Variants in YKT6 observed in about 807,000 individuals in gnomAD.
The protein encoded by YKT6 is YKT6 vesicular SNARE protein, also known as synaptobrevin homolog YKT6.
In YKT6, 12 loss-of-function variants were observed where a neutral mutation model predicts 29.3. That is an observed-to-expected ratio of 0.41 (90% confidence interval 0.26 to 0.66). The LOEUF (loss-of-function observed/expected upper bound fraction) is 0.66, where lower values mean the gene tolerates loss of function less well. Among genes scored for constraint, YKT6 ranks in the 30% least tolerant of loss-of-function variants. The pLI, the probability that YKT6 is intolerant of heterozygous loss-of-function variation, is 0.32. For synonymous variants in YKT6, 86 were observed against 94.3 expected (o/e 0.91, Z 0.51); for missense variants, 188 against 243.8 (o/e 0.77, Z 1.52).
At chr7:44,203,197 G>A (rs900874106) in intron 1 of YKT6, among the ~76,000 whole-genome samples, 3 of 152,112 alleles carry the variant, frequency 2.0e-5, no homozygotes, top group Non-Finnish European at 2.9e-5. Context: ...GGGTTCAAGT[G>A]ATTCTCCTGC....
Position 44,210,927 on chromosome 7 carries a change from C to T in YKT6, c.460-96C>T, listed in dbSNP as rs555693072. The T allele has an allele frequency of 3.1e-6, 4 of 1,293,794 alleles. No homozygotes were observed. The African/African-American group carries it at 4.4e-5, about 14-fold the overall frequency. The allele number at this position is 1,293,794 out of a possible 1,614,324, so 80.1% of individuals were successfully genotyped here. The stretch of plus-strand genomic sequence containing the variant: ...GAAGTTTGTGTGTGTTGGAGAGGAA[C>T]CCAGGTAAGGCACTTTCCCCCATGA... On this transcript the variant is annotated intron_variant, in intron 5 of 6. Transcript: ENST00000223369.
intron 1 of YKT6, among the ~76,000 whole-genome samples, chr7:44,204,330 GA>G (rs2096338720): frequency 6.6e-6 from 1 of 152,178 alleles, no homozygotes; most frequent in East Asian, 1.9e-4. Context: ...AAACCCCCCA[GA>G]AAATTCACCT....
chr7:44,211,194 C>T, intron 6 of YKT6, 70 bp downstream of exon 6: 1 of 1,311,872 alleles, frequency 7.6e-7, no homozygotes, highest in East Asian at 2.4e-5. Flanking sequence ...CTGCTTCTGG[C>T]ACTCTCCACT....
At position 44,203,980 on chromosome 7, in the gene YKT6, A is replaced by G. The variant is rs139059183; in HGVS notation, c.105-588A>G. Among the ~76,000 whole-genome samples the G allele has an allele frequency of 3.0e-4, 46 of 152,232 alleles. No individual in the cohort carries two copies. In the Middle Eastern group the frequency reaches 0.01, roughly 34 times the overall value. On this transcript the variant is annotated intron_variant, in intron 1 of 6. Transcript: ENST00000223369. ...GGACCTTCTCCCTTTCACCCTTTGT[A>G]TGAGCCATTTCCCACTTCTTTGTCT...
At chr7:44,206,355 A>G in intron 2 of YKT6, 30 bp from the exon 3 acceptor site, 1 of 1,606,930 alleles carries the variant, frequency 6.2e-7, no homozygotes, top group Non-Finnish European at 8.5e-7. Context: ...TCATGTCAGC[A>G]TCCATGTGTC....
intron 1 of YKT6, among the ~76,000 whole-genome samples, chr7:44,201,536 C>T (rs1301995910): frequency 2.6e-5 from 4 of 152,198 alleles, no homozygotes; most frequent in African/African-American, 9.7e-5. Context: ...GAGCTTATAC[C>T]ATTCTAGAAT....
At chr7:44,210,795 T>C (rs1268184416) in intron 5 of YKT6, 1 of 599,682 alleles carries the variant, frequency 1.7e-6, no homozygotes, top group Admixed American at 2.1e-5. Context: ...TTGGGAAGTC[T>C]GCTACATCCC....
chr7:44,201,518 C>T (rs561656885), intron 1 of YKT6, among the ~76,000 whole-genome samples: 2 of 152,222 alleles, frequency 1.3e-5, no homozygotes, highest in Non-Finnish European at 2.9e-5. Flanking sequence ...CCAACATTAG[C>T]TCTTTAAGAG....
intron 1 of YKT6, 73 bp downstream of exon 1, chr7:44,201,312 G>A: frequency 7.5e-7 from 1 of 1,341,778 alleles, no homozygotes; most frequent in Non-Finnish European, 1.0e-6. Flanking sequence ...GTCGGAGTGG[G>A]CCTGGGGTCG....
chr7:44,208,004 G>A (rs933061673), intron 4 of YKT6, 129 bp from the exon 5 acceptor site: 3 of 917,868 alleles, frequency 3.3e-6, no homozygotes, highest in Non-Finnish European at 1.7e-6. Context: ...GATTACAGGC[G>A]TGAGCCACTG....
intron 5 of YKT6, 21 bp from the exon 6 acceptor site, chr7:44,211,002 T>A: frequency 1.2e-6 from 2 of 1,612,846 alleles, no homozygotes; most frequent in Non-Finnish European, 1.7e-6. Context: ...AGAGCTGGAT[T>A]CTCTTTTCTT....
intron 6 of YKT6, chr7:44,211,643 T>C: frequency 5.0e-6 from 5 of 998,874 alleles, no homozygotes; most frequent in Non-Finnish European, 6.0e-6. Flanking sequence ...ATGGCACTGT[T>C]GGCCCATGGT....
chr7:44,206,269 T>C, intron 2 of YKT6, 116 bp from the exon 3 acceptor site: 3 of 1,000,164 alleles, frequency 3.0e-6, no homozygotes, highest in Non-Finnish European at 3.0e-6. Flanking sequence ...CCCAGAGCTA[T>C]TGAGCTTCCG....
rs1169102522 is a variant in YKT6 at position 44,213,112 on chromosome 7, C to T, written c.*830C>T. 1 of 152,218 alleles carries T rather than the reference C, an allele frequency of 6.6e-6. No homozygotes were observed. Among genetic ancestry groups the T allele is most frequent in the East Asian group, 1.9e-4 (1 of 5,188 alleles). The allele number at this position is 152,218 out of a possible 1,614,324, so 9.4% of individuals were successfully genotyped here. A position where few individuals can be genotyped will look rare whatever the true frequency, so the allele number is the denominator to read the frequency against. ...TCCATCATCAGGGGAAGATCAAACACAGGTGCACTCAGCTGCCCAGGGCCT... is the reference window on the plus strand; with the variant it reads ...TCCATCATCAGGGGAAGATCAAACATAGGTGCACTCAGCTGCCCAGGGCCT... On this transcript the variant is annotated 3_prime_UTR_variant, in exon 7 of 7. Coordinates refer to ENST00000223369, the MANE Select transcript of YKT6 (RefSeq NM_006555.4).
At chr7:44,208,473 A>T (rs1022113319) in intron 5 of YKT6, 1 of 411,740 alleles carries the variant, frequency 2.4e-6, no homozygotes, top group Non-Finnish European at 4.5e-6. Flanking sequence ...CTGTCTGACC[A>T]TTTACTGGGT....
At chr7:44,203,132 C>T (rs2096337538) in intron 1 of YKT6, among the ~76,000 whole-genome samples, 1 of 152,178 alleles carries the variant, frequency 6.6e-6, no homozygotes, top group Non-Finnish European at 1.5e-5. Flanking sequence ...CTTGCTCTGT[C>T]ACCCAGGCTG....
Position 44,201,012 on chromosome 7 carries a change from C to A in YKT6, c.-124C>A, listed in dbSNP as rs879233696. On this transcript the variant is annotated 5_prime_UTR_variant, in exon 1 of 7. Coordinates refer to ENST00000223369, the MANE Select transcript of YKT6 (RefSeq NM_006555.4). ...GCCAGGAGGAGGAAGCCGGCGGTGG[C>A]CCCGTCAGCAGCCGGCTGCTGAGAG... is the stretch of plus-strand genomic sequence containing the variant. 14 of 725,948 alleles carry A rather than the reference C, an allele frequency of 1.9e-5. No individual in the cohort carries two copies. Among genetic ancestry groups the A allele is most frequent in the Admixed American group, 7.6e-5 (2 of 26,262 alleles). 45.0% of individuals were successfully genotyped at this position (725,948 alleles called of 1,614,324 possible). A position where few individuals can be genotyped will look rare whatever the true frequency, so the allele number is the denominator to read the frequency against.
At chr7:44,206,095 G>A (rs987392378) in intron 2 of YKT6, among the ~76,000 whole-genome samples, 3 of 152,148 alleles carry the variant, frequency 2.0e-5, no homozygotes, top group African/African-American at 7.2e-5. Flanking sequence ...ATGCTCCTGG[G>A]GCCATGTTGT....
intron 1 of YKT6, among the ~76,000 whole-genome samples, chr7:44,203,861 C>T (rs567166799): frequency 6.6e-6 from 1 of 152,312 alleles, no homozygotes; most frequent in African/African-American, 2.4e-5. Flanking sequence ...ATCACATCCT[C>T]AGTTGGAGGC....
Sources: gnomAD v4.1 joint callset for allele counts (sites outside exome capture counted in the v4.1 genomes callset) on GRCh38, gnomAD v4.1.1 for gene constraint, MANE v1.5 for transcripts, NCBI Gene and HGNC (gene_info 2026-07-23, HGNC 2026-07-21) for gene names.